Variants in SLC44A5 observed in about 807,000 individuals in gnomAD.
The protein encoded by SLC44A5 is solute carrier family 44 member 5.
In SLC44A5, 57 loss-of-function variants were observed where a neutral mutation model predicts 101.8. The ratio of observed to expected loss-of-function variants is 0.56; its 90% confidence interval spans 0.45 to 0.70. The LOEUF is 0.70. Ranked by LOEUF, SLC44A5 falls within the 30% of genes least tolerant of loss-of-function variation. SLC44A5 has a pLI of 0.00. For synonymous variants in SLC44A5, 281 were observed against 290.9 expected, an observed-to-expected ratio of 0.97 and a Z score of 0.35; for missense variants, 737 against 853.1, an observed-to-expected ratio of 0.86 and a Z score of 1.70.
At position 75,374,212 on chromosome 1, in the gene SLC44A5, C is replaced by T. The variant is rs79328738; in HGVS notation, c.52+22371G>A. Among the ~76,000 whole-genome samples, 963 of 152,300 alleles carry T rather than the reference C, an allele frequency of 6.3e-3. 9 individuals carry two copies. Among genetic ancestry groups the T allele is most frequent in the African/African-American group, 0.022 (915 of 41,562 alleles). On this transcript the variant is annotated intron_variant, in intron 3 of 23. Coordinates refer to ENST00000370859, the MANE Select transcript of SLC44A5 (RefSeq NM_001130058.2). Reference sequence around the variant, plus strand: ...GCTGAGCAGGTCCCACAATCATCCTCTGGGCTAAAATCCCTGGCCACAGTC... The same window carrying T: ...GCTGAGCAGGTCCCACAATCATCCTTTGGGCTAAAATCCCTGGCCACAGTC...
At chr1:75,649,979 TATA>T in the SLC44A5 span, among the ~76,000 whole-genome samples, 1 of 152,242 alleles carries the variant, frequency 6.6e-6, no homozygotes, top group Admixed American at 6.5e-5. Flanking sequence ...AAGCCTGATT[TATA>T]ATAACAATCC....
At chr1:75,329,620 T>C (rs1056526377) in intron 4 of SLC44A5, among the ~76,000 whole-genome samples, 5 of 152,178 alleles carry the variant, frequency 3.3e-5, no homozygotes, top group African/African-American at 1.2e-4. Flanking sequence ...TCCACTAGAA[T>C]GAAGGAATAA....
At chr1:75,424,056 C>T (rs943030515) in intron 2 of SLC44A5, among the ~76,000 whole-genome samples, 1 of 152,186 alleles carries the variant, frequency 6.6e-6, no homozygotes, top group Admixed American at 6.5e-5. Context: ...TTTAGGACTA[C>T]CTCACAGAAC....
intron 2 of SLC44A5, among the ~76,000 whole-genome samples, chr1:75,522,484 T>C (rs2101898151): frequency 6.6e-6 from 1 of 152,246 alleles, no homozygotes; most frequent in Middle Eastern, 3.4e-3. Context: ...ATCTCTCTGC[T>C]TTTCCTTTCA....
At chr1:75,481,368 C>G (rs935646648) in intron 2 of SLC44A5, among the ~76,000 whole-genome samples, 1 of 152,158 alleles carries the variant, frequency 6.6e-6, no homozygotes, top group East Asian at 1.9e-4. Context: ...TCTAAAACAC[C>G]AAAAGCAATG....
intron 3 of SLC44A5, among the ~76,000 whole-genome samples, chr1:75,386,409 C>A (rs1327063393): frequency 6.6e-6 from 1 of 152,076 alleles, no homozygotes; most frequent in African/African-American, 2.4e-5. Context: ...TTCCTATACA[C>A]CAACAACAGA....
the SLC44A5 span, among the ~76,000 whole-genome samples, chr1:75,670,464 C>A: frequency 6.6e-6 from 1 of 151,924 alleles, no homozygotes; most frequent in Admixed American, 6.6e-5. Context: ...ATGCTAGAAA[C>A]AATAGAATTA....
chr1:75,716,157 C>G, the SLC44A5 span, among the ~76,000 whole-genome samples: 2 of 152,152 alleles, frequency 1.3e-5, no homozygotes, highest in Admixed American at 6.5e-5. Context: ...AAAGCCAAAA[C>G]ATAACAGATG....
At chr1:75,651,253 C>T in the SLC44A5 span, among the ~76,000 whole-genome samples, 3 of 152,100 alleles carry the variant, frequency 2.0e-5, no homozygotes, top group African/African-American at 4.8e-5. Flanking sequence ...CCTTCAAAAA[C>T]GAGGAACTCA....
intron 13 of SLC44A5, among the ~76,000 whole-genome samples, chr1:75,224,854 T>A (rs975799533): frequency 1.1e-4 from 16 of 151,916 alleles, no homozygotes; most frequent in African/African-American, 3.9e-4. Context: ...GCTGTTTGTA[T>A]ACGTGTGATT....
At chr1:75,679,420 G>A in the SLC44A5 span, among the ~76,000 whole-genome samples, 2 of 151,990 alleles carry the variant, frequency 1.3e-5, no homozygotes, top group Non-Finnish European at 2.9e-5. Flanking sequence ...TCTCTCAACA[G>A]AACCCCTACA....
the SLC44A5 span, among the ~76,000 whole-genome samples, chr1:75,696,667 G>A: frequency 5.9e-5 from 9 of 151,976 alleles, no homozygotes; most frequent in South Asian, 2.1e-4. Context: ...AGGCCGAGGC[G>A]GGGAGACCAC....
chr1:75,684,085 A>G, the SLC44A5 span, among the ~76,000 whole-genome samples: 1 of 152,176 alleles, frequency 6.6e-6, no homozygotes, highest in African/African-American at 2.4e-5. Context: ...GCAAAGGTAC[A>G]TCTTACATGG....
chr1:75,448,837 T>C (rs1665733072), intron 2 of SLC44A5, among the ~76,000 whole-genome samples: 3 of 152,222 alleles, frequency 2.0e-5, no homozygotes, highest in Non-Finnish European at 4.4e-5. Flanking sequence ...TGCTTATCAT[T>C]ATTCTTAGGA....
intron 23 of SLC44A5, chr1:75,206,347 A>C: frequency 5.7e-6 from 2 of 351,048 alleles, no homozygotes; most frequent in Non-Finnish European, 1.0e-5. Flanking sequence ...CTGAGTTATA[A>C]AAGTTATTAA....
chr1:75,598,715 G>T (rs1570710913), intron 1 of SLC44A5, among the ~76,000 whole-genome samples: 1 of 152,156 alleles, frequency 6.6e-6, no homozygotes, highest in Non-Finnish European at 1.5e-5. Context: ...ACAAGTGGGA[G>T]CTAAATGATG....
intron 12 of SLC44A5, among the ~76,000 whole-genome samples, chr1:75,233,154 T>C (rs944265928): frequency 5.3e-5 from 8 of 152,158 alleles, no homozygotes; most frequent in African/African-American, 1.7e-4. Flanking sequence ...TTATACCTGA[T>C]ATGTATTGTT....
chr1:75,641,952 C>T, the SLC44A5 span: 2 of 1,603,208 alleles, frequency 1.2e-6, no homozygotes, highest in Non-Finnish European at 1.7e-6. Context: ...CATATTCCAA[C>T]CACAATCTGC....
intron 3 of SLC44A5, among the ~76,000 whole-genome samples, chr1:75,385,780 C>A (rs1467261866): frequency 6.6e-6 from 1 of 152,036 alleles, no homozygotes; most frequent in African/African-American, 2.4e-5. Context: ...GACCAATATC[C>A]TTGATGAACA....
Sources: allele counts gnomAD v4.1 joint callset (sites outside exome capture counted in the v4.1 genomes callset), GRCh38; gene constraint gnomAD v4.1.1; transcripts MANE v1.5; gene names NCBI Gene and HGNC (gene_info 2026-07-23, HGNC 2026-07-21).